The following CSMD1 variants were observed in gnomAD, a reference collection of about 807,000 sequenced individuals.
The protein encoded by CSMD1 is CUB and sushi domain-containing protein 1.
Under a neutral mutation model 417.5 loss-of-function variants are expected in CSMD1, and 213 were observed. That is an observed-to-expected ratio of 0.51 (90% CI 0.46 to 0.57). CSMD1 has a LOEUF of 0.57. CSMD1 is among the 20% of genes least tolerant of loss of function. The pLI is 0.00. For missense variants in CSMD1, 6,923 were observed against 4,529.7 expected (o/e 1.53, Z -15.17); for synonymous variants, 2,862 against 1,736.8 (o/e 1.65, Z -16.11).
At chr8:4,214,019 A>G (rs1254028513) in intron 3 of CSMD1, among the ~76,000 whole-genome samples, 1 of 152,224 alleles carries the variant, frequency 6.6e-6, no homozygotes, top group Non-Finnish European at 1.5e-5. Flanking sequence ...CTGACGATGT[A>G]AGTAACAATG....
At chr8:3,951,788 A>C (rs187846256) in intron 5 of CSMD1, among the ~76,000 whole-genome samples, 3 of 152,288 alleles carry the variant, frequency 2.0e-5, no homozygotes, top group Non-Finnish European at 2.9e-5. Flanking sequence ...GCTGAGAACA[A>C]ATTAGTGAGC....
chr8:4,478,776 T>A (rs1563217567), intron 2 of CSMD1, among the ~76,000 whole-genome samples: 1 of 152,226 alleles, frequency 6.6e-6, no homozygotes, highest in Non-Finnish European at 1.5e-5. Flanking sequence ...TAACAAATTT[T>A]AATGGCATTC....
chr8:3,661,608 C>T (rs1021157375), intron 7 of CSMD1, among the ~76,000 whole-genome samples: 5 of 152,028 alleles, frequency 3.3e-5, no homozygotes, highest in African/African-American at 1.2e-4. Context: ...GTGATTCTCC[C>T]GCCTCAGCCT....
chr8:3,733,620 G>C (rs764444652), intron 6 of CSMD1, among the ~76,000 whole-genome samples: 1 of 151,972 alleles, frequency 6.6e-6, no homozygotes, highest in Non-Finnish European at 1.5e-5. Context: ...TCCTGCCTCG[G>C]TCCCGAATCA....
At chr8:3,109,125 C>G (rs1816339734) in intron 43 of CSMD1, among the ~76,000 whole-genome samples, 1 of 152,112 alleles carries the variant, frequency 6.6e-6, no homozygotes, top group Non-Finnish European at 1.5e-5. Flanking sequence ...ATTAGCTGGG[C>G]CTGGTGGCAC....
At chr8:4,015,638 T>G (rs1463211481) in intron 4 of CSMD1, among the ~76,000 whole-genome samples, 4 of 55,842 alleles carry the variant, frequency 7.2e-5, no homozygotes, top group African/African-American at 1.5e-4. Context: ...AGTCTCAAAA[T>G]AGATAAAAAT....
chr8:3,300,145 C>A (rs925045227), intron 25 of CSMD1, among the ~76,000 whole-genome samples: 3 of 151,932 alleles, frequency 2.0e-5, no homozygotes, highest in Admixed American at 6.6e-5. Context: ...TAGGATGAGG[C>A]AAAATTACAA....
rs1039816861 is a variant in CSMD1, at chr8:4,802,213, G to A, written c.86-164655C>T. 2.6e-5 allele frequency among the ~76,000 whole-genome samples: 4 copies of A among 152,178 alleles called. No individual in the cohort carries two copies. In the South Asian group the frequency reaches 8.3e-4, roughly 32 times the overall value. The stretch of plus-strand genomic sequence containing the variant: ...TATAGGATGCTCATTTTGCATCAAA[G>A]TACAATTGGCTTAAACTAGTAGTGT... On this transcript the variant is annotated intron_variant, in intron 1 of 69. Coordinates refer to ENST00000635120, the MANE Select transcript of CSMD1 (RefSeq NM_033225.6).
chr8:3,846,446 C>T lies in CSMD1; in HGVS notation c.819-92404G>A, dbSNP rs1295838438. 2.0e-5 allele frequency among the ~76,000 whole-genome samples: 3 copies of T among 152,198 alleles called. No individual in the cohort carries two copies. In the East Asian group the frequency reaches 5.8e-4, roughly 29 times the overall value. Reference sequence around the variant, plus strand: ...TAGCCCCAACTGATCAAGAAGATGACAGTTACTCAAAATAACCTTCCTCTC... The same window carrying T: ...TAGCCCCAACTGATCAAGAAGATGATAGTTACTCAAAATAACCTTCCTCTC... On this transcript the variant is annotated intron_variant, in intron 5 of 69. Coordinates refer to ENST00000635120, the MANE Select transcript of CSMD1 (RefSeq NM_033225.6).
intron 10 of CSMD1, among the ~76,000 whole-genome samples, chr8:3,509,296 G>C (rs73658144): frequency 6.6e-6 from 1 of 152,218 alleles, no homozygotes; most frequent in Non-Finnish European, 1.5e-5. Flanking sequence ...ATATATTTAA[G>C]CCTTTCCCCC....
chr8:3,146,699 G>C (rs899622312), intron 40 of CSMD1, among the ~76,000 whole-genome samples: 1 of 152,212 alleles, frequency 6.6e-6, no homozygotes, highest in East Asian at 1.9e-4. Context: ...GGTCACTGTC[G>C]GTTACTGAGG....
At chr8:3,093,064 T>C (rs74846115) in intron 47 of CSMD1, among the ~76,000 whole-genome samples, 2,965 of 152,230 alleles carry the variant, frequency 0.019, 45 homozygotes, top group Non-Finnish European at 0.03. Flanking sequence ...AAGACTGTTA[T>C]AGACTAGACT....
intron 1 of CSMD1, among the ~76,000 whole-genome samples, chr8:4,935,015 C>T (rs1187629729): frequency 1.3e-5 from 2 of 152,334 alleles, no homozygotes; most frequent in Non-Finnish European, 1.5e-5. Flanking sequence ...CTATACATAT[C>T]TATCTAGAAC....
intron 1 of CSMD1, among the ~76,000 whole-genome samples, chr8:4,709,852 A>T (rs1337768467): frequency 6.6e-6 from 1 of 152,172 alleles, no homozygotes; most frequent in Non-Finnish European, 1.5e-5. Context: ...AATACACATG[A>T]AATCAACGGA....
intron 3 of CSMD1, among the ~76,000 whole-genome samples, chr8:4,139,302 G>A (rs372873855): frequency 0.29 from 42,748 of 148,060 alleles, 8,082 homozygotes; most frequent in Non-Finnish European, 0.38. Context: ...TCTTACAGCT[G>A]TCGTTATACT....
chr8:4,206,354 C>T (rs1014962588), intron 3 of CSMD1, among the ~76,000 whole-genome samples: 5 of 151,964 alleles, frequency 3.3e-5, no homozygotes, highest in South Asian at 2.1e-4. Flanking sequence ...CTCCCCCCAA[C>T]CCACCACAGG....
At chr8:3,662,440 T>G (rs1005790360) in intron 7 of CSMD1, among the ~76,000 whole-genome samples, 1 of 152,182 alleles carries the variant, frequency 6.6e-6, no homozygotes, top group African/African-American at 2.4e-5. Flanking sequence ...AGTCTATTAT[T>G]GATGGGCATT....
At chr8:4,079,913 C>T (rs1046478931) in intron 3 of CSMD1, among the ~76,000 whole-genome samples, 3 of 151,862 alleles carry the variant, frequency 2.0e-5, no homozygotes, top group Admixed American at 6.6e-5. Flanking sequence ...TCTTGCCTTT[C>T]CACCCCTTTT....
intron 3 of CSMD1, among the ~76,000 whole-genome samples, chr8:4,181,471 C>G (rs887931473): frequency 1.3e-4 from 20 of 151,980 alleles, no homozygotes; most frequent in Middle Eastern, 3.4e-3. Context: ...AGAAAATACA[C>G]TAACACTAAC....
Sources: gnomAD v4.1 joint callset for allele counts (sites outside exome capture counted in the v4.1 genomes callset) on GRCh38, gnomAD v4.1.1 for gene constraint, MANE v1.5 for transcripts, NCBI Gene and HGNC (gene_info 2026-07-23, HGNC 2026-07-21) for gene names.